SLC17A8: variants seen among roughly 807,000 people sequenced by gnomAD.
SLC17A8 encodes the protein solute carrier family 17 member 8, also known as vesicular glutamate transporter 3.
Under a neutral mutation model 58.0 loss-of-function variants are expected in SLC17A8, and 31 were observed. That is an observed-to-expected ratio of 0.53 (90% confidence interval 0.40 to 0.72). SLC17A8 has a LOEUF of 0.72. Among genes scored for constraint, SLC17A8 ranks in the 30% least tolerant of loss-of-function variants. SLC17A8 has a pLI of 0.00. For missense variants in SLC17A8, 655 were observed against 727.8 expected, an observed-to-expected ratio of 0.90 and a Z score of 1.15; for synonymous variants, 228 against 249.0, an observed-to-expected ratio of 0.92 and a Z score of 0.79.
intron 1 of SLC17A8, among the ~76,000 whole-genome samples, chr12:100,366,206 C>T (rs1417031394): frequency 7.2e-5 from 11 of 152,132 alleles, no homozygotes; most frequent in Admixed American, 7.2e-4. Context: ...TATCTTCTTA[C>T]ACAGGGATGA....
At chr12:100,364,103 GATGGTGTGGTAT>G (rs1317175361) in intron 1 of SLC17A8, among the ~76,000 whole-genome samples, 1 of 150,710 alleles carries the variant, frequency 6.6e-6, no homozygotes, top group Non-Finnish European at 1.5e-5. Flanking sequence ...TCAGCTTCTG[GATGGTGTGGTAT>G]ATGGTGGGGC....
At chr12:100,359,927 T>C (rs766914131) in intron 1 of SLC17A8, among the ~76,000 whole-genome samples, 1 of 152,200 alleles carries the variant, frequency 6.6e-6, no homozygotes, top group Non-Finnish European at 1.5e-5. Flanking sequence ...AGCCCCTACA[T>C]TGTAACTTAG....
At chr12:100,366,240 C>A (rs755240660) in intron 1 of SLC17A8, among the ~76,000 whole-genome samples, 7 of 152,126 alleles carry the variant, frequency 4.6e-5, no homozygotes, top group Middle Eastern at 6.8e-3. Context: ...TTCCATTTGA[C>A]TTTTTTCTAT....
chr12:100,374,011 C>T (rs562884283), intron 1 of SLC17A8, among the ~76,000 whole-genome samples: 1 of 152,244 alleles, frequency 6.6e-6, no homozygotes, highest in African/African-American at 2.4e-5. Flanking sequence ...ATGGCAGAGA[C>T]CCTAACGTTC....
chr12:100,383,711 C>CT (rs34969163), intron 2 of SLC17A8, among the ~76,000 whole-genome samples: 3,018 of 144,156 alleles, frequency 0.021, 45 homozygotes, highest in African/African-American at 0.044. Context: ...AGCGTGAACA[C>CT]TTTTTTTTTT....
chr12:100,370,895 G>T (rs1478151768), intron 1 of SLC17A8, among the ~76,000 whole-genome samples: 1 of 152,170 alleles, frequency 6.6e-6, no homozygotes, highest in Non-Finnish European at 1.5e-5. Flanking sequence ...TATGAAGCTG[G>T]GCTGAGTGCT....
chr12:100,364,273 TG>T (rs1952504295), intron 1 of SLC17A8, among the ~76,000 whole-genome samples: 1 of 152,188 alleles, frequency 6.6e-6, no homozygotes, highest in Admixed American at 6.5e-5. Flanking sequence ...ACTTGTAGTC[TG>T]AATAGGCAAA....
intron 5 of SLC17A8, among the ~76,000 whole-genome samples, chr12:100,399,418 G>A (rs955263725): frequency 6.6e-6 from 1 of 152,164 alleles, no homozygotes; most frequent in Non-Finnish European, 1.5e-5. Flanking sequence ...GTCACATTGT[G>A]TATTAGTCTG....
chr12:100,359,322 C>T (rs920325247), intron 1 of SLC17A8, among the ~76,000 whole-genome samples: 4 of 151,948 alleles, frequency 2.6e-5, no homozygotes, highest in African/African-American at 7.3e-5. Flanking sequence ...AATTATTGAT[C>T]GAAGAGCCGG....
At position 100,391,139 on chromosome 12, in the gene SLC17A8, C is replaced by T. The variant is rs1421005367; in HGVS notation, c.473+20C>T. The T allele has an allele frequency of 6.7e-7, 1 of 1,491,590 alleles. No individual in the cohort carries two copies. 92.4% of individuals were successfully genotyped at this position (1,491,590 alleles called of 1,614,324 possible). On this transcript the variant is annotated intron_variant, in intron 3 of 11. Transcript: ENST00000323346. ...TAACAGGTAAGATAAATTGATATAA[C>T]ATGATACAAACCAATGAAATGTGGC...
At chr12:100,389,810 T>TTATTAC (rs1952701995) in intron 2 of SLC17A8, among the ~76,000 whole-genome samples, 4 of 141,414 alleles carry the variant, frequency 2.8e-5, no homozygotes, top group Admixed American at 2.1e-4. Flanking sequence ...ATTTGTATTA[T>TTATTAC]TATTATTATT....
At chr12:100,406,521 G>A (rs912450190) in intron 9 of SLC17A8, among the ~76,000 whole-genome samples, 3 of 151,940 alleles carry the variant, frequency 2.0e-5, no homozygotes, top group Non-Finnish European at 2.9e-5. Flanking sequence ...TTTAAAGCAC[G>A]GAATGGATAT....
rs886048793 is a variant in SLC17A8, at chr12:100,420,516, A to G, written c.*357A>G. 19 of 235,244 alleles carry G rather than the reference A, an allele frequency of 8.1e-5. No individual in the cohort carries two copies. The highest frequency in any genetic ancestry group is 1.0e-4 in the Non-Finnish European group (12 of 118,674). 14.6% of individuals were successfully genotyped at this position (235,244 alleles called of 1,614,324 possible). ...GGCCAGAAGGAATGTAAACAGTAGT[A>G]GTAGCTGCCACCACATCTCTAGGGT... On this transcript the variant is annotated 3_prime_UTR_variant, in exon 12 of 12. Transcript: ENST00000323346.
intron 9 of SLC17A8, among the ~76,000 whole-genome samples, chr12:100,408,622 T>C (rs549733556): frequency 6.6e-4 from 100 of 152,304 alleles, no homozygotes; most frequent in African/African-American, 2.0e-3. Flanking sequence ...TGCTTTTTTT[T>C]CCACTGGCAA....
chr12:100,401,479 T>A (rs1052028739), intron 5 of SLC17A8, among the ~76,000 whole-genome samples: 8 of 152,246 alleles, frequency 5.3e-5, no homozygotes, highest in East Asian at 3.9e-4. Flanking sequence ...TCAAAATTTC[T>A]CTTAGATTTT....
In SLC17A8 at chr12:100,422,017, GC is replaced by G. The variant is rs1952953889; in HGVS notation, c.*1859del. The G allele has an allele frequency of 6.6e-6, 1 of 152,164 alleles. No individual in the cohort carries two copies. The highest frequency in any genetic ancestry group is 6.5e-5 in the Admixed American group (1 of 15,274). 9.4% of individuals were successfully genotyped at this position (152,164 alleles called of 1,614,324 possible). A position where few individuals can be genotyped will look rare whatever the true frequency, so the allele number is the denominator to read the frequency against. On this transcript the variant is annotated 3_prime_UTR_variant, in exon 12 of 12. Transcript: ENST00000323346. Reference sequence around the variant, plus strand: ...CCCTGGAACTTATTGTGAAAGTTGTGCTGTTTTCTAAGTAAAATAAAAAATA... The same window carrying G: ...CCCTGGAACTTATTGTGAAAGTTGTGTGTTTTCTAAGTAAAATAAAAAATA...
chr12:100,366,144 T>G (rs1051934193), intron 1 of SLC17A8, among the ~76,000 whole-genome samples: 1 of 150,270 alleles, frequency 6.7e-6, no homozygotes, highest in Non-Finnish European at 1.5e-5. Flanking sequence ...TTTAAATCTC[T>G]GAAGGTGCAA....
chr12:100,369,846 A>G (rs1300455656), intron 1 of SLC17A8, among the ~76,000 whole-genome samples: 1 of 151,928 alleles, frequency 6.6e-6, no homozygotes, highest in Non-Finnish European at 1.5e-5. Context: ...GGTACAAAAC[A>G]TATTTTTCTA....
At chr12:100,397,890 C>T (rs530000393) in intron 5 of SLC17A8, among the ~76,000 whole-genome samples, 40 of 149,520 alleles carry the variant, frequency 2.7e-4, no homozygotes, top group Non-Finnish European at 5.5e-4. Flanking sequence ...TGCAGTGAGC[C>T]GAGATCACAC....
Sources: gnomAD v4.1 joint callset for allele counts (sites outside exome capture counted in the v4.1 genomes callset) on GRCh38, gnomAD v4.1.1 for gene constraint, MANE v1.5 for transcripts, NCBI Gene and HGNC (gene_info 2026-07-23, HGNC 2026-07-21) for gene names.